The following CCDC40 variants were observed in gnomAD, a reference collection of about 807,000 sequenced individuals.
CCDC40 encodes coiled-coil domain 40 molecular ruler complex subunit.
CCDC40 carries 104 observed loss-of-function variants against 124.5 expected under a neutral mutation model. That is an observed-to-expected ratio of 0.84 (90% CI 0.71 to 0.98). CCDC40 has a LOEUF of 0.98. Among genes scored for constraint, CCDC40 ranks in the 50% least tolerant of loss-of-function variants. The pLI, the probability that CCDC40 is intolerant of heterozygous loss-of-function variation, is 0.00. For missense variants in CCDC40, 1,463 were observed against 1,503.9 expected, an observed-to-expected ratio of 0.97 and a Z score of 0.45; for synonymous variants, 580 against 602.9, an observed-to-expected ratio of 0.96 and a Z score of 0.56.
intron 3 of CCDC40, among the ~76,000 whole-genome samples, chr17:80,041,843 A>C (rs1043654116): frequency 6.6e-6 from 1 of 152,160 alleles, no homozygotes; most frequent in Non-Finnish European, 1.5e-5. Context: ...CCAGGGATGC[A>C]GGATTCCAGC....
At position 80,048,626 on chromosome 17, in the gene CCDC40, C is replaced by T; in HGVS notation, c.720C>T (p.Asp240=). The stretch of plus-strand genomic sequence containing the variant: ...CCGATGCCCACCCCAGGGAAGGAGA[C>T]CTGCCAGTGTTCCAGGACCAGATCC... ...GVPDAHPREG[D]LPVFQDQIQQ... The change falls in exon 5 of 20, where the codon GAC becomes GAT. Residue 240 remains aspartate (D), a synonymous_variant. Transcript: ENST00000397545. 6.2e-7 allele frequency: 1 copy of T among 1,614,050 alleles called. No homozygotes were observed. The highest frequency in any genetic ancestry group is 1.1e-5 in the South Asian group (1 of 91,082).
intron 9 of CCDC40, 132 bp from the exon 10 acceptor site, chr17:80,065,353 G>T: frequency 2.4e-6 from 3 of 1,228,342 alleles, no homozygotes; most frequent in Non-Finnish European, 3.6e-6. Context: ...CTCTGCAGAT[G>T]CATGATCAAG....
chr17:80,086,290 G>T lies in CCDC40; in HGVS notation c.2449+74G>T. On this transcript the variant is annotated intron_variant, in intron 14 of 19. Coordinates refer to ENST00000397545, the MANE Select transcript of CCDC40 (RefSeq NM_017950.4). The surrounding 1 kb of genome is among the most constrained non-coding windows in gnomAD (Gnocchi z 5.5). ...GGACGTGGGCACCTCCCAGGGGAGG[G>T]GCACTCAGTGGGGCACGTCGCTGGA... The T allele has an allele frequency of 1.6e-6, 2 of 1,214,106 alleles. No individual in the cohort carries two copies. The highest frequency in any genetic ancestry group is 1.2e-6 in the Non-Finnish European group (1 of 841,562). The allele number at this position is 1,214,106 out of a possible 1,614,324, so 75.2% of individuals were successfully genotyped here.
At chr17:80,056,012 A>ATT (rs1278622929) in intron 7 of CCDC40, among the ~76,000 whole-genome samples, 3 of 14,138 alleles carry the variant, frequency 2.1e-4, no homozygotes, top group African/African-American at 7.8e-4. Context: ...ATATATATAT[A>ATT]TATATTTTTT....
intron 16 of CCDC40, among the ~76,000 whole-genome samples, chr17:80,088,907 G>A (rs2038644678): frequency 6.6e-6 from 1 of 152,218 alleles, no homozygotes; most frequent in Non-Finnish European, 1.5e-5. Context: ...GGCAGTTCTT[G>A]AGCCAAACGA....
chr17:80,092,174 C>G (rs2038734927), intron 17 of CCDC40: 1 of 152,390 alleles, frequency 6.6e-6, no homozygotes, highest in African/African-American at 2.4e-5. Context: ...GCTGGGATTA[C>G]AGGTGTGTGC....
At chr17:80,081,383 T>C (rs2038442889) in intron 10 of CCDC40, 163 bp from the exon 11 acceptor site, 1 of 478,742 alleles carries the variant, frequency 2.1e-6, no homozygotes, top group Non-Finnish European at 3.6e-6. Context: ...AGACTCTGTC[T>C]CAAAAAATAA....
Position 80,087,924 on chromosome 17 carries a change from C to T in CCDC40, c.2620-87C>T, listed in dbSNP as rs1598543386. On this transcript the variant is annotated intron_variant, in intron 15 of 19. Transcript: ENST00000397545. This position sits in a 1 kb window ranked among gnomAD's most constrained non-coding sequence, Gnocchi z 4.5. ...TTAGAAATCCAGCCTGCAGCCCTGC[C>T]CTCGGTGCCGGGATAGAGGGCACCA... 2.3e-6 allele frequency: 3 copies of T among 1,299,350 alleles called. No individual in the cohort carries two copies. Among genetic ancestry groups the T allele is most frequent in the East Asian group, 2.3e-5 (1 of 43,478 alleles). The allele number at this position is 1,299,350 out of a possible 1,614,324, so 80.5% of individuals were successfully genotyped here.
In CCDC40 at chr17:80,065,670, C is replaced by T. The variant is rs56126512; in HGVS notation, c.1562+64C>T. On this transcript the variant is annotated intron_variant, in intron 10 of 19. Transcript: ENST00000397545. ...CCCAGGGGTCCGTGGCAGGCCCGCCCCACACCCCCTCTCTCTGGGTCCACC... is the reference window on the plus strand; with the variant it reads ...CCCAGGGGTCCGTGGCAGGCCCGCCTCACACCCCCTCTCTCTGGGTCCACC... 108,427 of 1,599,104 alleles carry T rather than the reference C, an allele frequency of 0.068. 4,250 individuals are homozygous for T. The highest frequency in any genetic ancestry group is 0.13 in the African/African-American group (9,716 of 74,760).
intron 10 of CCDC40, among the ~76,000 whole-genome samples, chr17:80,078,522 C>T (rs1344158479): frequency 6.6e-6 from 1 of 152,128 alleles, no homozygotes; most frequent in East Asian, 1.9e-4. Context: ...CCCAGCACCA[C>T]TTGTTGAAAA....
At position 80,090,341 on chromosome 17, in the gene CCDC40, GAA is replaced by G; in HGVS notation, c.2832+458_2832+459del. ...ACGGGACGCGCGCAGGCACGTGCAC[GAA>G]CAAGGGACGCGCGCAGGCACGTGCA... is the stretch of plus-strand genomic sequence containing the variant. On this transcript the variant is annotated intron_variant, in intron 17 of 19. Coordinates refer to ENST00000397545, the MANE Select transcript of CCDC40 (RefSeq NM_017950.4). 2 of 712,260 alleles carry G rather than the reference GAA, an allele frequency of 2.8e-6. 1 individual carries two copies. The highest frequency in any genetic ancestry group is 7.8e-5 in the East Asian group (2 of 25,738). 44.1% of individuals were successfully genotyped at this position (712,260 alleles called of 1,614,324 possible).
intron 2 of CCDC40, among the ~76,000 whole-genome samples, chr17:80,038,455 C>G (rs371264725): frequency 6.8e-6 from 1 of 148,060 alleles, no homozygotes; most frequent in Non-Finnish European, 1.5e-5. Context: ...GGCTTGAACT[C>G]GGGAGACAGA....
At position 80,087,829 on chromosome 17, in the gene CCDC40, A is replaced by G. The variant is rs2038620226; in HGVS notation, c.2619+53A>G. 3.2e-6 allele frequency: 5 copies of G among 1,556,266 alleles called. No individual in the cohort carries two copies. Among genetic ancestry groups the G allele is most frequent in the South Asian group, 1.1e-5 (1 of 89,852 alleles). Reference sequence around the variant, plus strand: ...GCTCAGGACGATGGAGGGCGGGGGTACGGTCCTTGCGGTGGGCGTTCTGCA... The same window carrying G: ...GCTCAGGACGATGGAGGGCGGGGGTGCGGTCCTTGCGGTGGGCGTTCTGCA... On this transcript the variant is annotated intron_variant, in intron 15 of 19. Transcript: ENST00000397545. This position sits in a 1 kb window ranked among gnomAD's most constrained non-coding sequence, Gnocchi z 4.5.
chr17:80,061,144 G>A (rs578025533), intron 9 of CCDC40, among the ~76,000 whole-genome samples: 9 of 152,248 alleles, frequency 5.9e-5, no homozygotes, highest in Admixed American at 3.3e-4. Context: ...TCAGGAGTTC[G>A]AGACCAGCCT....
rs755991321 is a variant in CCDC40, at chr17:80,040,286, T to A, written c.552+16T>A. ...GGGCAGATTGGTGAGTAGCCCTGAC[T>A]TCTGTTTTGTGCCAGTGTCGCACGG... On this transcript the variant is annotated intron_variant, in intron 3 of 19. Coordinates refer to ENST00000397545, the MANE Select transcript of CCDC40 (RefSeq NM_017950.4). 3 of 1,610,974 alleles carry A rather than the reference T, an allele frequency of 1.9e-6. No individual in the cohort carries two copies. The African/African-American group carries it at 4.0e-5, about 21-fold the overall frequency.
rs541135825 is a variant in CCDC40, at chr17:80,049,817, A to C, written c.856-89A>C. The C allele has an allele frequency of 2.8e-6, 3 of 1,069,396 alleles. No individual in the cohort carries two copies. The East Asian group carries it at 7.1e-5, about 25-fold the overall frequency. 66.2% of individuals were successfully genotyped at this position (1,069,396 alleles called of 1,614,324 possible). Reference sequence around the variant, plus strand: ...ACGGAAGTCGTCTCTGGCCCACCGGAGGGAGACCTGTGGCCACCTGGGCTG... The same window carrying C: ...ACGGAAGTCGTCTCTGGCCCACCGGCGGGAGACCTGTGGCCACCTGGGCTG... On this transcript the variant is annotated intron_variant, in intron 5 of 19. Coordinates refer to ENST00000397545, the MANE Select transcript of CCDC40 (RefSeq NM_017950.4).
chr17:80,081,904 A>G lies in CCDC40; in HGVS notation c.1835A>G (p.Gln612Arg). Reference sequence around the variant, plus strand: ...CAAATGATACTCACGGAGGAGTTGCAGGCCATCCGCCAAGCCATCCAGGGC... The same window carrying G: ...CAAATGATACTCACGGAGGAGTTGCGGGCCATCCGCCAAGCCATCCAGGGC... ...LEQMILTEEL[Q>R]AIRQAIQGEL... The change falls in exon 12 of 20, where the codon CAG (glutamine) becomes CGG (arginine). Residue 612 changes from glutamine to arginine, a missense_variant. Physicochemically the swap from Gln to Arg is conservative, Grantham distance 43. Coordinates refer to ENST00000397545, the MANE Select transcript of CCDC40 (RefSeq NM_017950.4). 6.2e-7 allele frequency: 1 copy of G among 1,614,122 alleles called. No homozygotes were observed. Among genetic ancestry groups the G allele is most frequent in the Non-Finnish European group, 8.5e-7 (1 of 1,180,026 alleles).
At chr17:80,036,974 C>T (rs1160274766) in intron 1 of CCDC40, among the ~76,000 whole-genome samples, 1 of 152,180 alleles carries the variant, frequency 6.6e-6, no homozygotes, top group Admixed American at 6.5e-5. Context: ...CTCTAAAACC[C>T]GGGACCGCTC....
rs1485851817 is a variant in CCDC40 at position 80,044,704 on chromosome 17, A to ATGTGTATATATATATAT, written c.553-2575_553-2574insTGTGTATATATATATAT. Among the ~76,000 whole-genome samples the ATGTGTATATATATATAT allele has an allele frequency of 5.5e-3, 203 of 37,132 alleles. 6 individuals carry two copies. The highest frequency in any genetic ancestry group is 0.016 in the African/African-American group (196 of 12,552). 24.4% of individuals were successfully genotyped at this position (37,132 alleles called of 152,430 possible). ...TCTCAAAAACAAAACAAAACAAACA[A>ATGTGTATATATATATAT]ACAAAAAAAAAAATATATATATATA... On this transcript the variant is annotated intron_variant, in intron 3 of 19. Transcript: ENST00000397545.
Sources: allele counts gnomAD v4.1 joint callset (sites outside exome capture counted in the v4.1 genomes callset), GRCh38; gene constraint gnomAD v4.1.1; non-coding constraint Gnocchi (gnomAD v3.1); transcripts MANE v1.5; gene names NCBI Gene and HGNC (gene_info 2026-07-23, HGNC 2026-07-21).